NOS1: variants seen among roughly 807,000 people sequenced by gnomAD.
NOS1 encodes the protein NOS type I.
In NOS1, 51 loss-of-function variants were observed where a neutral mutation model predicts 164.5. That is an observed-to-expected ratio of 0.31 (90% CI 0.25 to 0.39). NOS1 has a LOEUF of 0.39. NOS1 is among the 10% of genes least tolerant of loss of function. The pLI is 1.00. For synonymous variants in NOS1, 719 were observed against 745.8 expected (o/e 0.96, Z 0.59); for missense variants, 1,362 against 1,885.6 (o/e 0.72, Z 5.14).
Position 117,258,475 on chromosome 12 carries a change from G to A in NOS1, c.2473-20C>T, listed in dbSNP as rs1231512612. 3 of 1,612,942 alleles carry A rather than the reference G, an allele frequency of 1.9e-6. No individual in the cohort carries two copies. The African/African-American group carries it at 4.0e-5, about 22-fold the overall frequency. On this transcript the variant is annotated intron_variant, in intron 15 of 28. Coordinates refer to ENST00000317775, the MANE Select transcript of NOS1 (RefSeq NM_000620.5). ...GAATTTCTGGAAGCCAAAACATATGGGTGAAATTAGCACATCTTAGTAAAT... is the reference window on the plus strand; with the variant it reads ...GAATTTCTGGAAGCCAAAACATATGAGTGAAATTAGCACATCTTAGTAAAT...
intron 20 of NOS1, among the ~76,000 whole-genome samples, chr12:117,235,896 A>G (rs149621396): frequency 2.3e-3 from 352 of 152,342 alleles, no homozygotes; most frequent in Non-Finnish European, 4.1e-3. Flanking sequence ...CACAAAAATT[A>G]GCTGGGCATT....
intron 3 of NOS1, among the ~76,000 whole-genome samples, chr12:117,291,381 C>A (rs1378301429): frequency 6.6e-6 from 1 of 152,084 alleles, no homozygotes; most frequent in Non-Finnish European, 1.5e-5. Flanking sequence ...GGAAAGAAAC[C>A]ATGGAAGAGC....
At chr12:117,226,906 T>A in intron 23 of NOS1, 136 bp from the exon 24 acceptor site, 1 of 694,006 alleles carries the variant, frequency 1.4e-6, no homozygotes, top group Non-Finnish European at 2.6e-6. Flanking sequence ...TCCCTTCCTC[T>A]GAAGGGCAAG....
intron 20 of NOS1, among the ~76,000 whole-genome samples, chr12:117,242,117 T>TA (rs1197346424): frequency 6.6e-6 from 1 of 152,184 alleles, no homozygotes; most frequent in Non-Finnish European, 1.5e-5. Flanking sequence ...TTACATTAGA[T>TA]AAAAAGATAT....
chr12:117,294,411 C>T (rs1211924341), intron 3 of NOS1, among the ~76,000 whole-genome samples: 1 of 152,094 alleles, frequency 6.6e-6, no homozygotes, highest in Admixed American at 6.5e-5. Context: ...GAGGGGTGGT[C>T]GTTACGAGTC....
chr12:117,239,738 G>A (rs759957265), intron 20 of NOS1, among the ~76,000 whole-genome samples: 5 of 151,518 alleles, frequency 3.3e-5, no homozygotes, highest in Non-Finnish European at 7.4e-5. Context: ...GCCTTATGAA[G>A]CTGGAAACGG....
At chr12:117,231,567 A>C (rs1426086918) in intron 22 of NOS1, among the ~76,000 whole-genome samples, 1 of 152,184 alleles carries the variant, frequency 6.6e-6, no homozygotes, top group African/African-American at 2.4e-5. Flanking sequence ...CCAAGTACCC[A>C]TAAAAATAAA....
At chr12:117,256,285 T>G (rs932346068) in intron 16 of NOS1, among the ~76,000 whole-genome samples, 1 of 51,586 alleles carries the variant, frequency 1.9e-5, no homozygotes, top group South Asian at 5.4e-4. Flanking sequence ...GGATTTTCTG[T>G]TTTTTTTTTT....
chr12:117,287,153 G>A (rs941749487), intron 5 of NOS1, among the ~76,000 whole-genome samples: 3 of 152,092 alleles, frequency 2.0e-5, no homozygotes, highest in African/African-American at 7.2e-5. Flanking sequence ...GGCAGAGGGT[G>A]CAGTGAGCCA....
At chr12:117,334,860 G>A (rs925735889) in intron 1 of NOS1, among the ~76,000 whole-genome samples, 10 of 152,176 alleles carry the variant, frequency 6.6e-5, no homozygotes, top group Non-Finnish European at 7.3e-5. Context: ...AAGGACACCC[G>A]CTTGTCCCGG....
At chr12:117,217,935 T>C in intron 28 of NOS1, 111 bp downstream of exon 28, 2 of 773,338 alleles carry the variant, frequency 2.6e-6, no homozygotes, top group East Asian at 2.4e-5. Context: ...CAGATGGTGC[T>C]GATGCTGCTG....
chr12:117,229,232 C>T (rs1030455035), intron 22 of NOS1, among the ~76,000 whole-genome samples: 25 of 152,054 alleles, frequency 1.6e-4, no homozygotes, highest in Non-Finnish European at 1.5e-5. Flanking sequence ...TGACATCCAT[C>T]ACCCTGTTGG....
chr12:117,352,948 C>T (rs1359761764), intron 1 of NOS1, among the ~76,000 whole-genome samples: 3 of 152,174 alleles, frequency 2.0e-5, no homozygotes, highest in African/African-American at 4.8e-5. Flanking sequence ...AAACTTTCAA[C>T]TTAATTCAAC....
intron 3 of NOS1, among the ~76,000 whole-genome samples, chr12:117,297,303 T>C (rs1873482431): frequency 6.6e-6 from 1 of 152,086 alleles, no homozygotes. Flanking sequence ...AACTGAAGGT[T>C]GGGGGCTCTG....
intron 3 of NOS1, among the ~76,000 whole-genome samples, chr12:117,293,780 T>A (rs1873219893): frequency 6.6e-6 from 1 of 152,156 alleles, no homozygotes; most frequent in African/African-American, 2.4e-5. Flanking sequence ...ACTACTACAC[T>A]ACCACACTGG....
chr12:117,221,130 T>TTTTATTTATTTATTTA lies in NOS1; in HGVS notation c.3976-877_3976-862dup, dbSNP rs200373619. On this transcript the variant is annotated intron_variant, in intron 26 of 28. Transcript: ENST00000317775. ...GCCTCTTATGGGCTGTTAAATTTATTTTTATTTATTTATTTATTTATTTAT... is the reference window on the plus strand; with the variant it reads ...GCCTCTTATGGGCTGTTAAATTTATTTTTATTTATTTATTTATTTATTTATTTATTTATTTATTTAT... 4.7e-3 allele frequency among the ~76,000 whole-genome samples: 691 copies of TTTTATTTATTTATTTA among 146,098 alleles called. 8 individuals are homozygous for TTTTATTTATTTATTTA. The highest frequency in any genetic ancestry group is 0.014 in the African/African-American group (530 of 39,206).
At chr12:117,264,023 C>T in intron 12 of NOS1, 49 bp from the exon 13 acceptor site, 1 of 1,491,718 alleles carries the variant, frequency 6.7e-7, no homozygotes, top group Non-Finnish European at 9.3e-7. Context: ...GTGAGGGCAT[C>T]TGGTTCCTGT....
chr12:117,228,873 C>T (rs946635905), intron 22 of NOS1, among the ~76,000 whole-genome samples: 3 of 152,078 alleles, frequency 2.0e-5, no homozygotes, highest in Non-Finnish European at 2.9e-5. Context: ...CTCCGCCTCC[C>T]GGGGTTCACG....
chr12:117,318,980 G>C lies in NOS1; in HGVS notation c.726-7388C>G, dbSNP rs9658292. Reference sequence around the variant, plus strand: ...TTGGAGGCTGTGGAGGCTGGGTCTGGGGTCTCTGCAAAGCTTTTCTTCTAG... The same window carrying C: ...TTGGAGGCTGTGGAGGCTGGGTCTGCGGTCTCTGCAAAGCTTTTCTTCTAG... On this transcript the variant is annotated intron_variant, in intron 2 of 28. Transcript: ENST00000317775. Among the ~76,000 whole-genome samples, 141 of 152,270 alleles carry C rather than the reference G, an allele frequency of 9.3e-4. 1 individual carries two copies. The highest frequency in any genetic ancestry group is 1.4e-3 in the Non-Finnish European group (95 of 68,008).
Sources: gnomAD v4.1 joint callset for allele counts (sites outside exome capture counted in the v4.1 genomes callset) on GRCh38, gnomAD v4.1.1 for gene constraint, MANE v1.5 for transcripts, NCBI Gene and HGNC (gene_info 2026-07-23, HGNC 2026-07-21) for gene names.